Variants in ZNF652 observed in about 807,000 individuals in gnomAD.
ZNF652 encodes zinc finger protein 652.
A neutral mutation model predicts 45.2 loss-of-function variants in ZNF652; 16 were observed. That is an observed-to-expected ratio of 0.35 (90% CI 0.24 to 0.54). ZNF652 has a LOEUF of 0.54. Ranked by LOEUF, ZNF652 falls within the 20% of genes least tolerant of loss-of-function variation. ZNF652 has a pLI of 0.91. For synonymous variants in ZNF652, 250 were observed against 260.6 expected (o/e 0.96, Z 0.39); for missense variants, 614 against 765.6 (o/e 0.80, Z 2.34).
downstream of ZNF652, among the ~76,000 whole-genome samples, chr17:49,288,858 T>C (rs138565551): frequency 4.2e-3 from 644 of 152,304 alleles, 6 homozygotes; most frequent in African/African-American, 0.014. Flanking sequence ...TTTCTTCAAA[T>C]TGGTTCAGAA....
intron 1 of ZNF652, among the ~76,000 whole-genome samples, chr17:49,349,212 A>G (rs2143082912): frequency 6.6e-6 from 1 of 152,288 alleles, no homozygotes; most frequent in Non-Finnish European, 1.5e-5. Flanking sequence ...ACCTGAGGTC[A>G]GGAGTTCAAG....
intron 5 of ZNF652, among the ~76,000 whole-genome samples, chr17:49,303,541 T>G (rs559746741): frequency 6.6e-6 from 1 of 152,054 alleles, no homozygotes; most frequent in African/African-American, 2.4e-5. Context: ...CGCCTGGCCA[T>G]GTAGTTTGTT....
At chr17:49,322,659 G>A (rs1282566206) in intron 1 of ZNF652, among the ~76,000 whole-genome samples, 2 of 152,170 alleles carry the variant, frequency 1.3e-5, no homozygotes, top group African/African-American at 4.8e-5. Context: ...GCTGAGGCAG[G>A]CAGATCACGA....
chr17:49,332,391 C>T (rs76470536), intron 1 of ZNF652, among the ~76,000 whole-genome samples: 3,757 of 152,276 alleles, frequency 0.025, 157 homozygotes, highest in African/African-American at 0.085. Flanking sequence ...ATAATGTATG[C>T]AAAACATAGC....
intron 1 of ZNF652, among the ~76,000 whole-genome samples, chr17:49,356,459 C>CA (rs59499602): frequency 0.4 from 49,555 of 122,746 alleles, 9,947 homozygotes; most frequent in Non-Finnish European, 0.48. Context: ...AAATCAAAAC[C>CA]AAAAAAAAAA....
chr17:49,311,864 TG>T, intron 4 of ZNF652, 62 bp downstream of exon 4: 1 of 1,373,242 alleles, frequency 7.3e-7, no homozygotes, highest in Non-Finnish European at 1.0e-6. Flanking sequence ...TCTCTCTCAC[TG>T]GTCCGCCATC....
chr17:49,297,785 G>C lies in ZNF652; in HGVS notation c.*628C>G, dbSNP rs983359323. ...CACTGAAAAAATTACACTGCTTATT[G>C]AAATACATTTCATTTTAGAAACAGA... is the stretch of plus-strand genomic sequence containing the variant. On this transcript the variant is annotated 3_prime_UTR_variant, in exon 6 of 6. Coordinates refer to ENST00000430262, the MANE Select transcript of ZNF652 (RefSeq NM_001145365.3). 1 of 152,586 alleles carries C rather than the reference G, an allele frequency of 6.6e-6. No homozygotes were observed. The highest frequency in any genetic ancestry group is 2.4e-5 in the African/African-American group (1 of 41,422). The allele number at this position is 152,586 out of a possible 1,614,324, so 9.5% of individuals were successfully genotyped here. A position where few individuals can be genotyped will look rare whatever the true frequency, so the allele number is the denominator to read the frequency against.
rs1237086270 is a variant in ZNF652, at chr17:49,298,550, G to A, written c.1684C>T (p.Leu562Phe). The A allele has an allele frequency of 6.2e-7, 1 of 1,611,528 alleles. No homozygotes were observed. The highest frequency in any genetic ancestry group is 1.3e-5 in the African/African-American group (1 of 74,832). ...IHPHPHHPHH[L>F]PIPPVPHLPP... ...AGGTGAGGGACTGGAGGGATGGGAA[G>A]GTGGTGTGGGTGGTGAGGGTGTGGG... Residue 562 changes from leucine (L) to phenylalanine (F), a missense_variant, in exon 6 of 6, where the codon CTT (leucine) becomes TTT (phenylalanine). Physicochemically the swap from Leu to Phe is conservative, Grantham distance 22. Transcript: ENST00000430262.
At chr17:49,349,388 A>C (rs1033680388) in intron 1 of ZNF652, among the ~76,000 whole-genome samples, 1 of 152,170 alleles carries the variant, frequency 6.6e-6, no homozygotes, top group Non-Finnish European at 1.5e-5. Flanking sequence ...AACAGTGCAA[A>C]ATTCCATCTC....
chr17:49,350,837 G>A (rs4444384), intron 1 of ZNF652, among the ~76,000 whole-genome samples: 65,774 of 150,174 alleles, frequency 0.44, 14,668 homozygotes, highest in East Asian at 0.49. Flanking sequence ...AGGCATGTTG[G>A]CAGATGCCTA....
intron 1 of ZNF652, among the ~76,000 whole-genome samples, chr17:49,325,255 G>T (rs1013480523): frequency 6.6e-6 from 1 of 151,922 alleles, no homozygotes; most frequent in Non-Finnish European, 1.5e-5. Context: ...GTTATTAATT[G>T]GCCTAATTTC....
chr17:49,298,424 G>C lies in ZNF652; in HGVS notation c.1810C>G (p.Gln604Glu), dbSNP rs768696871. ...TAAGGAGACGGATGTTAATGATGCT[G>C]TGCTGAACTGTTCTTCTCTGCCAGG... Reference protein sequence around the residue: ...RHLAEKNSSAQHH With the variant: ...RHLAEKNSSAEHH Residue 604 changes from glutamine to glutamate, a missense_variant, in exon 6 of 6, where the codon CAG (glutamine) becomes GAG (glutamate). Coordinates refer to ENST00000430262, the MANE Select transcript of ZNF652 (RefSeq NM_001145365.3). The C allele has an allele frequency of 6.2e-7, 1 of 1,612,652 alleles. No individual in the cohort carries two copies. Among genetic ancestry groups the C allele is most frequent in the East Asian group, 2.2e-5 (1 of 44,874 alleles).
chr17:49,312,641 A>G lies in ZNF652; in HGVS notation c.1048+57T>C. 2.5e-6 allele frequency: 4 copies of G among 1,574,630 alleles called. No individual in the cohort carries two copies. In the South Asian group the frequency reaches 4.7e-5, roughly 19 times the overall value. ...ATATCCTGCCCAATCCAGGGCATAA[A>G]GCACACAGAAGAACAAGGGAAAATT... On this transcript the variant is annotated intron_variant, in intron 3 of 5. Transcript: ENST00000430262.
At chr17:49,332,233 A>T (rs1824198675) in intron 1 of ZNF652, among the ~76,000 whole-genome samples, 1 of 152,180 alleles carries the variant, frequency 6.6e-6, no homozygotes. Flanking sequence ...GCACCACTGC[A>T]CTCCAGCCTG....
chr17:49,358,671 T>C (rs1020396858), intron 1 of ZNF652, among the ~76,000 whole-genome samples: 1 of 152,036 alleles, frequency 6.6e-6, no homozygotes, highest in African/African-American at 2.4e-5. Context: ...CTAATCAACT[T>C]TTTTTTTCTA....
At position 49,311,864 on chromosome 17, in the gene ZNF652, T is replaced by C. The variant is rs111432588; in HGVS notation, c.1164+63A>G. The C allele has an allele frequency of 5.1e-6, 7 of 1,373,128 alleles. No individual in the cohort carries two copies. The African/African-American group carries it at 7.2e-5, about 14-fold the overall frequency. 85.1% of individuals were successfully genotyped at this position (1,373,128 alleles called of 1,614,324 possible). A position where few individuals can be genotyped will look rare whatever the true frequency, so the allele number is the denominator to read the frequency against. ...CTGCTCCAGCACACCTCTCTCTCAC[T>C]GGTCCGCCATCTATGCAAACACTAG... On this transcript the variant is annotated intron_variant, in intron 4 of 5. Transcript: ENST00000430262.
intron 1 of ZNF652, among the ~76,000 whole-genome samples, chr17:49,322,982 G>A (rs761801432): frequency 1.3e-5 from 2 of 152,194 alleles, no homozygotes; most frequent in Non-Finnish European, 2.9e-5. Flanking sequence ...CAATGTTGAT[G>A]GCTTCTGCAT....
intron 1 of ZNF652, among the ~76,000 whole-genome samples, chr17:49,349,693 C>G (rs1398981729): frequency 6.6e-6 from 1 of 152,166 alleles, no homozygotes; most frequent in Non-Finnish European, 1.5e-5. Flanking sequence ...TTTCCATACA[C>G]TAATGGACTT....
rs953054062 is a variant in ZNF652 at position 49,339,241 on chromosome 17, G to A, written c.-258-21258C>T. Among the ~76,000 whole-genome samples, 7 of 126,808 alleles carry A rather than the reference G, an allele frequency of 5.5e-5. No individual in the cohort carries two copies. The East Asian group carries it at 8.9e-4, about 16-fold the overall frequency. The allele number at this position is 126,808 out of a possible 152,430, so 83.2% of individuals were successfully genotyped here. ...TTTTGAGACGTAGTCTCACTCTGTC[G>A]CCTAGGCTTGGAGTGCAGTGGCATG... On this transcript the variant is annotated intron_variant, in intron 1 of 5. Coordinates refer to ENST00000430262, the MANE Select transcript of ZNF652 (RefSeq NM_001145365.3).
Sources: gnomAD v4.1 joint callset for allele counts (sites outside exome capture counted in the v4.1 genomes callset) on GRCh38, gnomAD v4.1.1 for gene constraint, MANE v1.5 for transcripts, NCBI Gene and HGNC (gene_info 2026-07-23, HGNC 2026-07-21) for gene names.